The following DOCK5 variants were observed in gnomAD, a reference collection of about 807,000 sequenced individuals.
The protein encoded by DOCK5 is dedicator of cytokinesis 5.
DOCK5 carries 142 observed loss-of-function variants against 251.8 expected under a neutral mutation model. That is an observed-to-expected ratio of 0.56 (90% CI 0.49 to 0.65). The LOEUF (loss-of-function observed/expected upper bound fraction) is 0.65. DOCK5 is among the 30% of genes least tolerant of loss of function. The probability of loss-of-function intolerance (pLI) is 0.00; values close to 1 mark genes in which losing one functional copy is unlikely to be tolerated. For missense variants in DOCK5, 2,111 were observed against 2,312.3 expected, an observed-to-expected ratio of 0.91 and a Z score of 1.79; for synonymous variants, 842 against 835.5, an observed-to-expected ratio of 1.01 and a Z score of -0.13.
chr8:25,334,059 G>A (rs1245686099), intron 20 of DOCK5, 37 bp from the exon 21 acceptor site: 1 of 1,494,044 alleles, frequency 6.7e-7, no homozygotes, highest in Non-Finnish European at 9.3e-7. Context: ...ACTTGGGATT[G>A]TGCAGTGCTG....
intron 5 of DOCK5, among the ~76,000 whole-genome samples, chr8:25,284,988 A>G (rs1804294196): frequency 6.6e-6 from 1 of 152,124 alleles, no homozygotes; most frequent in Non-Finnish European, 1.5e-5. Flanking sequence ...TCATCTTCCC[A>G]TGGGAGAAAG....
chr8:25,278,699 T>A (rs767626835), intron 5 of DOCK5, 34 bp downstream of exon 5: 2 of 1,596,474 alleles, frequency 1.3e-6, no homozygotes, highest in South Asian at 2.2e-5. Context: ...AGCCCCAGGG[T>A]CACTCTGGGT....
intron 18 of DOCK5, among the ~76,000 whole-genome samples, chr8:25,329,470 ACTGT>A (rs538765541): frequency 5.9e-5 from 9 of 152,148 alleles, no homozygotes; most frequent in Non-Finnish European, 1.0e-4. Context: ...TAATAATTGA[ACTGT>A]CTAATTGAAG....
chr8:25,349,088 T>C (rs1307515536), intron 26 of DOCK5, among the ~76,000 whole-genome samples: 1 of 151,720 alleles, frequency 6.6e-6, no homozygotes, highest in Non-Finnish European at 1.5e-5. Flanking sequence ...TAATAAAAAG[T>C]GAAGGAGGAA....
At chr8:25,319,743 A>C (rs55721400) in intron 15 of DOCK5, 67 bp downstream of exon 15, 46,864 of 1,197,282 alleles carry the variant, frequency 0.039, 1,130 homozygotes, top group Middle Eastern at 0.065. Flanking sequence ...TCTTCTGTTT[A>C]CCCCCAAATT....
At position 25,270,927 on chromosome 8, in the gene DOCK5, C is replaced by T. The variant is rs1586282684; in HGVS notation, c.168+2042C>T. ...ATCATGTCTAGATTATTTATAATACCTAATACAATGTAAATGCTATGTAAG... is the reference window on the plus strand; with the variant it reads ...ATCATGTCTAGATTATTTATAATACTTAATACAATGTAAATGCTATGTAAG... On this transcript the variant is annotated intron_variant, in intron 3 of 51. Coordinates refer to ENST00000276440, the MANE Select transcript of DOCK5 (RefSeq NM_024940.8). 1.1e-5 allele frequency: 7 copies of T among 622,724 alleles called. No homozygotes were observed. In the East Asian group the frequency reaches 1.4e-4, roughly 12 times the overall value. The allele number at this position is 622,724 out of a possible 1,614,324, so 38.6% of individuals were successfully genotyped here.
At chr8:25,366,674 AT>A (rs1017590113) in intron 30 of DOCK5, among the ~76,000 whole-genome samples, 195 bp from the exon 31 acceptor site, 3 of 152,136 alleles carry the variant, frequency 2.0e-5, no homozygotes, top group African/African-American at 7.2e-5. Context: ...AATAGCTTAA[AT>A]TTTTTTAAAA....
chr8:25,322,100 A>G (rs1586327833), intron 16 of DOCK5, among the ~76,000 whole-genome samples: 1 of 152,338 alleles, frequency 6.6e-6, no homozygotes, highest in Non-Finnish European at 1.5e-5. Context: ...TTCGCACTGC[A>G]TAAAAATGTA....
Position 25,382,792 on chromosome 8 carries a change from TG to T in DOCK5, c.4131+16del, listed in dbSNP as rs749375349. On this transcript the variant is annotated intron_variant, in intron 40 of 51. Transcript: ENST00000276440. ...TCTTTCCTACGGGTAAGAAACCTGA[TG>T]GTGGTCTCCCAGGCCATTAGGAGGA... 14 of 1,599,182 alleles carry T rather than the reference TG, an allele frequency of 8.8e-6. No individual in the cohort carries two copies. Among genetic ancestry groups the T allele is most frequent in the Middle Eastern group, 1.7e-4 (1 of 6,038 alleles).
chr8:25,223,472 G>A (rs73558453), intron 1 of DOCK5, among the ~76,000 whole-genome samples: 4,571 of 152,132 alleles, frequency 0.03, 83 homozygotes, highest in South Asian at 0.044. Context: ...GGGCCACCAC[G>A]CTCAGTTAAT....
chr8:25,332,161 A>G (rs1307875088), intron 18 of DOCK5, 90 bp from the exon 19 acceptor site: 19 of 899,704 alleles, frequency 2.1e-5, no homozygotes, highest in African/African-American at 8.4e-5. Context: ...ATTGAGAGCA[A>G]TTACCTGTTC....
rs1159177119 is a variant in DOCK5 at position 25,364,128 on chromosome 8, T to C, written c.3045-498T>C. ...GAACAGAAGTGAAATGAACTGAATA[T>C]ATATTATATTAAAAGAGTGTTAGAG... On this transcript the variant is annotated intron_variant, in intron 29 of 51. Transcript: ENST00000276440. 3.3e-5 allele frequency among the ~76,000 whole-genome samples: 5 copies of C among 152,140 alleles called. No individual in the cohort carries two copies. The East Asian group carries it at 9.6e-4, about 29-fold the overall frequency.
intron 11 of DOCK5, among the ~76,000 whole-genome samples, chr8:25,306,882 C>A (rs1804954838): frequency 6.6e-6 from 1 of 152,082 alleles, no homozygotes; most frequent in South Asian, 2.1e-4. Flanking sequence ...ATAGAGTGTA[C>A]TTACACAAAC....
chr8:25,385,879 A>G lies in DOCK5; in HGVS notation c.4131+3101A>G, dbSNP rs577312023. 1.3e-4 allele frequency among the ~76,000 whole-genome samples: 20 copies of G among 152,348 alleles called. No homozygotes were observed. In the South Asian group the frequency reaches 2.1e-3, roughly 16 times the overall value. On this transcript the variant is annotated intron_variant, in intron 40 of 51. Transcript: ENST00000276440. ...ACAGTAAACAAGAAAGACTTCAGAA[A>G]GAAAATGGCATTTTTGCAAAAACCA...
chr8:25,308,699 A>T, intron 11 of DOCK5, 84 bp from the exon 12 acceptor site: 1 of 1,487,322 alleles, frequency 6.7e-7, no homozygotes, highest in Non-Finnish European at 9.3e-7. Context: ...AATTATTCCT[A>T]TATGACTCAC....
chr8:25,406,779 C>G (rs1801530996), intron 48 of DOCK5, among the ~76,000 whole-genome samples: 1 of 152,028 alleles, frequency 6.6e-6, no homozygotes, highest in African/African-American at 2.4e-5. Context: ...AGGCGCCCAC[C>G]ACCACGCCTG....
At chr8:25,374,906 A>T (rs1380303686) in intron 37 of DOCK5, 5 of 1,304,654 alleles carry the variant, frequency 3.8e-6, no homozygotes, top group Non-Finnish European at 4.9e-6. Context: ...TTGACACTCT[A>T]ATTAAAGCAA....
At chr8:25,220,035 CTT>C (rs76135166) in intron 1 of DOCK5, among the ~76,000 whole-genome samples, 24,683 of 150,784 alleles carry the variant, frequency 0.16, 2,233 homozygotes, top group Admixed American at 0.25. Context: ...TTGTCCTTCT[CTT>C]TGTTTCACAG....
chr8:25,231,100 T>C (rs1802657795), intron 1 of DOCK5, among the ~76,000 whole-genome samples: 1 of 152,124 alleles, frequency 6.6e-6, no homozygotes, highest in Non-Finnish European at 1.5e-5. Flanking sequence ...CATACACATA[T>C]GTATATGCAA....
Sources: gnomAD v4.1 joint callset for allele counts (sites outside exome capture counted in the v4.1 genomes callset) on GRCh38, gnomAD v4.1.1 for gene constraint, MANE v1.5 for transcripts, NCBI Gene and HGNC (gene_info 2026-07-23, HGNC 2026-07-21) for gene names.